Variants in PLPP1 observed in about 807,000 individuals in gnomAD.
The protein encoded by PLPP1 is lipid phosphate phosphohydrolase 1a.
A neutral mutation model predicts 31.2 loss-of-function variants in PLPP1; 24 were observed. That is an observed-to-expected ratio of 0.77 (90% CI 0.56 to 1.08). PLPP1 has a LOEUF of 1.08. PLPP1 is among the 50% of genes least tolerant of loss of function. PLPP1 has a pLI of 0.00. For missense variants in PLPP1, 319 were observed against 342.7 expected, an observed-to-expected ratio of 0.93 and a Z score of 0.55; for synonymous variants, 146 against 126.3, an observed-to-expected ratio of 1.16 and a Z score of -1.05.
At chr5:55,437,678 G>A (rs1409146136) in intron 4 of PLPP1, among the ~76,000 whole-genome samples, 1 of 152,170 alleles carries the variant, frequency 6.6e-6, no homozygotes, top group Non-Finnish European at 1.5e-5. Flanking sequence ...TGACAGATCT[G>A]TCCAGAAGAA....
At chr5:55,491,203 A>G in intron 1 of PLPP1, 4 of 1,423,636 alleles carry the variant, frequency 2.8e-6, no homozygotes, top group Non-Finnish European at 3.8e-6. Context: ...TGCAAATCCT[A>G]GCCATATTTT....
chr5:55,512,725 C>CACACACACACATACACACACACACAT (rs58233830), intron 1 of PLPP1, among the ~76,000 whole-genome samples: 5 of 150,712 alleles, frequency 3.3e-5, no homozygotes, highest in Admixed American at 3.3e-4. Flanking sequence ...TTATAAACTA[C>CACACACACACATACACACACACACAT]ACACACACAC....
chr5:55,439,498 TC>T (rs1295143482), intron 4 of PLPP1, among the ~76,000 whole-genome samples: 2 of 152,226 alleles, frequency 1.3e-5, no homozygotes, highest in African/African-American at 4.8e-5. Flanking sequence ...AGTCGTTTCT[TC>T]CTTGCCCAGT....
intron 4 of PLPP1, among the ~76,000 whole-genome samples, chr5:55,435,557 A>C (rs1276733947): frequency 6.6e-6 from 1 of 152,240 alleles, no homozygotes; most frequent in Non-Finnish European, 1.5e-5. Context: ...ATATACATCA[A>C]GAGTAAATGT....
intron 3 of PLPP1, among the ~76,000 whole-genome samples, chr5:55,462,141 A>G (rs1752179359): frequency 6.6e-6 from 1 of 152,208 alleles, no homozygotes; most frequent in African/African-American, 2.4e-5. Context: ...ATTTGAAGCA[A>G]TCTCAATAAA....
At chr5:55,477,864 C>A (rs1241481704) in intron 1 of PLPP1, among the ~76,000 whole-genome samples, 3 of 151,756 alleles carry the variant, frequency 2.0e-5, no homozygotes, top group African/African-American at 7.3e-5. Flanking sequence ...CCTGTAGTCC[C>A]GGCTACTTAG....
intron 1 of PLPP1, among the ~76,000 whole-genome samples, chr5:55,511,284 A>C (rs1278055069): frequency 6.6e-6 from 1 of 152,220 alleles, no homozygotes; most frequent in Admixed American, 6.5e-5. Flanking sequence ...AAGGTTTGCC[A>C]AAGTTTCCAC....
intron 2 of PLPP1, 72 bp from the exon 3 acceptor site, chr5:55,468,221 G>GA: frequency 7.4e-7 from 1 of 1,344,728 alleles, no homozygotes; most frequent in African/African-American, 1.5e-5. Flanking sequence ...AACATAGGGG[G>GA]AAAAAAGGAA....
chr5:55,514,021 A>G (rs1438984790), intron 1 of PLPP1, among the ~76,000 whole-genome samples: 2 of 152,230 alleles, frequency 1.3e-5, no homozygotes, highest in Non-Finnish European at 2.9e-5. Flanking sequence ...TTTGGTATAC[A>G]ATTAGTTATC....
At position 55,469,495 on chromosome 5, in the gene PLPP1, AAAT is replaced by A. The variant is rs1190499806; in HGVS notation, c.211-1349_211-1347del. ...CGACACAGCGAGACCCCATCTCAAAAAATAATAATAAAAATTAAAAAAAAAAAA... is the reference window on the plus strand; with the variant it reads ...CGACACAGCGAGACCCCATCTCAAAAAATAATAAAAATTAAAAAAAAAAAA... On this transcript the variant is annotated intron_variant, in intron 2 of 5. Transcript: ENST00000307259. Among the ~76,000 whole-genome samples the A allele has an allele frequency of 5.4e-3, 621 of 114,742 alleles. 4 individuals are homozygous for A. Among genetic ancestry groups the A allele is most frequent in the African/African-American group, 0.019 (595 of 31,478 alleles). 75.3% of individuals were successfully genotyped at this position (114,742 alleles called of 152,430 possible). A position where few individuals can be genotyped will look rare whatever the true frequency, so the allele number is the denominator to read the frequency against.
At chr5:55,478,687 G>T (rs1752608383) in intron 1 of PLPP1, among the ~76,000 whole-genome samples, 1 of 152,138 alleles carries the variant, frequency 6.6e-6, no homozygotes, top group African/African-American at 2.4e-5. Context: ...CATGAGTGGG[G>T]TAAGGGCAGG....
At chr5:55,496,644 C>T (rs546382501) in intron 1 of PLPP1, among the ~76,000 whole-genome samples, 1 of 152,278 alleles carries the variant, frequency 6.6e-6, no homozygotes, top group East Asian at 1.9e-4. Context: ...CATCTGTTTC[C>T]TATCAGGGCC....
chr5:55,529,481 G>A (rs1407185000), intron 1 of PLPP1, among the ~76,000 whole-genome samples: 25 of 152,016 alleles, frequency 1.6e-4, no homozygotes, highest in Admixed American at 1.6e-3. Context: ...TTACAAATCA[G>A]TCAAAGACTG....
chr5:55,521,679 T>C (rs1006195663), intron 1 of PLPP1, among the ~76,000 whole-genome samples: 2 of 152,198 alleles, frequency 1.3e-5, no homozygotes, highest in Non-Finnish European at 2.9e-5. Context: ...TTTTATCATT[T>C]TTCCTATGAG....
chr5:55,458,887 C>CCAA (rs1752082619), intron 3 of PLPP1, among the ~76,000 whole-genome samples: 1 of 21,096 alleles, frequency 4.7e-5, no homozygotes, highest in Admixed American at 4.2e-4. Flanking sequence ...ACCCTGTCTC[C>CCAA]AAAAAAAAAA....
intron 4 of PLPP1, among the ~76,000 whole-genome samples, chr5:55,438,629 C>T (rs1376363369): frequency 6.6e-6 from 1 of 152,100 alleles, no homozygotes; most frequent in African/African-American, 2.4e-5. Flanking sequence ...AGGCCAGGCG[C>T]GGTGGCTCAC....
intron 3 of PLPP1, among the ~76,000 whole-genome samples, chr5:55,444,770 T>TGTGTGTGTGTGTGTGTGTGTGTGA: frequency 1.3e-5 from 2 of 151,242 alleles, no homozygotes; most frequent in South Asian, 2.1e-4. Flanking sequence ...TGTGTGTGTG[T>TGTGTGTGTGTGTGTGTGTGTGTGA]GATGGAGTCT....
intron 4 of PLPP1, among the ~76,000 whole-genome samples, chr5:55,436,806 T>C (rs1751503099): frequency 6.6e-6 from 1 of 152,232 alleles, no homozygotes; most frequent in South Asian, 2.1e-4. Context: ...ATTCTTTCAT[T>C]ATCACTGAAG....
chr5:55,503,756 G>C (rs536882299), intron 1 of PLPP1, among the ~76,000 whole-genome samples: 2 of 143,778 alleles, frequency 1.4e-5, no homozygotes, highest in East Asian at 4.2e-4. Flanking sequence ...TCCAGCCTGG[G>C]CAACAGAGAG....
Sources: allele counts gnomAD v4.1 joint callset (sites outside exome capture counted in the v4.1 genomes callset), GRCh38; gene constraint gnomAD v4.1.1; transcripts MANE v1.5; gene names NCBI Gene and HGNC (gene_info 2026-07-23, HGNC 2026-07-21).